FAM185A: variants seen among roughly 807,000 people sequenced by gnomAD.
FAM185A encodes protein FAM185A.
A neutral mutation model predicts 45.7 loss-of-function variants in FAM185A; 21 were observed. That is an observed-to-expected ratio of 0.46 (90% CI 0.33 to 0.66). The LOEUF (loss-of-function observed/expected upper bound fraction) is 0.66, where lower values mean the gene tolerates loss of function less well. Among genes scored for constraint, FAM185A ranks in the 30% least tolerant of loss-of-function variants. The pLI, the probability that FAM185A is intolerant of heterozygous loss-of-function variation, is 0.03. For missense variants in FAM185A, 305 were observed against 485.4 expected (o/e 0.63, Z 3.49); for synonymous variants, 117 against 194.0 (o/e 0.60, Z 3.30).
intron 6 of FAM185A, among the ~76,000 whole-genome samples, chr7:102,782,007 T>C (rs1252364319): frequency 2.6e-5 from 4 of 152,262 alleles, no homozygotes; most frequent in African/African-American, 9.6e-5. Flanking sequence ...ATGTGACGAA[T>C]GCACAAGCCT....
chr7:102,759,861 G>C (rs1794002930), intron 3 of FAM185A, among the ~76,000 whole-genome samples: 1 of 152,062 alleles, frequency 6.6e-6, no homozygotes, highest in South Asian at 2.1e-4. Context: ...TAAAGGTAAA[G>C]GAATCACAGG....
At chr7:102,847,263 T>C in the FAM185A span, among the ~76,000 whole-genome samples, 4 of 151,844 alleles carry the variant, frequency 2.6e-5, no homozygotes, top group Non-Finnish European at 5.9e-5. Flanking sequence ...TGCTTCACAA[T>C]TGTAGTCACT....
chr7:102,820,274 G>T, the FAM185A span, among the ~76,000 whole-genome samples: 1 of 152,152 alleles, frequency 6.6e-6, no homozygotes, highest in South Asian at 2.1e-4. Context: ...TAAGCATTAG[G>T]GCCAAGTCTC....
chr7:102,809,595 GGGAGCCTGAGGCA>G (rs1240862176), downstream of FAM185A, among the ~76,000 whole-genome samples: 1 of 152,030 alleles, frequency 6.6e-6, no homozygotes, highest in East Asian at 1.9e-4. Context: ...CCAGCTATTT[GGGAGCCTGAGGCA>G]GGAGAATCGC....
the FAM185A span, among the ~76,000 whole-genome samples, chr7:102,842,603 C>T: frequency 9.9e-3 from 1,502 of 152,328 alleles, 8 homozygotes; most frequent in Non-Finnish European, 0.014. Flanking sequence ...TAATCCAGTT[C>T]TTGCTGTTAG....
At chr7:102,840,494 A>T in the FAM185A span, among the ~76,000 whole-genome samples, 1 of 152,198 alleles carries the variant, frequency 6.6e-6, no homozygotes. Context: ...GAAAGAGTTG[A>T]TGGGTGTCTA....
intron 2 of FAM185A, chr7:102,755,975 TTAAAA>T (rs1793699427): frequency 2.2e-6 from 1 of 455,304 alleles, no homozygotes; most frequent in African/African-American, 2.0e-5. Flanking sequence ...ATAAAAATAA[TTAAAA>T]TAATTAAAAA....
Position 102,787,412 on chromosome 7 carries a change from G to A in FAM185A, c.1009G>A (p.Glu337Lys). 3.9e-6 allele frequency: 6 copies of A among 1,536,846 alleles called. No individual in the cohort carries two copies. The highest frequency in any genetic ancestry group is 5.3e-6 in the Non-Finnish European group (6 of 1,136,224). The change falls in exon 7 of 8, where the codon GAA becomes AAA. Residue 337 changes from glutamate (E) to lysine (K), a missense_variant. By Grantham distance (56) the Glu-to-Lys change is moderately conservative. Coordinates refer to ENST00000413034, the MANE Select transcript of FAM185A (RefSeq NM_001145268.2). ...LSGKEVDVNS[E>K]VHVQEMAEVR... ...AGGGAAAGAGGTTGATGTGAACTCA[G>A]AAGTCCATGTTCAGGAAATGGCTGA...
downstream of FAM185A, chr7:102,813,470 G>T (rs1797581525): frequency 6.2e-7 from 1 of 1,614,084 alleles, no homozygotes; most frequent in Admixed American, 1.7e-5. Flanking sequence ...AACCAACGTG[G>T]AGGGTCATTA....
At chr7:102,820,091 A>G in the FAM185A span, among the ~76,000 whole-genome samples, 1 of 152,196 alleles carries the variant, frequency 6.6e-6, no homozygotes, top group African/African-American at 2.4e-5. Flanking sequence ...GGACTCTCCA[A>G]GCCACTCTAC....
chr7:102,811,303 G>C (rs1414137851), downstream of FAM185A, among the ~76,000 whole-genome samples: 1 of 152,070 alleles, frequency 6.6e-6, no homozygotes, highest in Non-Finnish European at 1.5e-5. Flanking sequence ...TTACTCTCTT[G>C]GACACAGACC....
chr7:102,835,997 A>G, the FAM185A span, among the ~76,000 whole-genome samples: 1 of 152,318 alleles, frequency 6.6e-6, no homozygotes, highest in South Asian at 2.1e-4. Context: ...TAAAGCAAGA[A>G]AGAATATTTA....
chr7:102,841,705 A>C, the FAM185A span, among the ~76,000 whole-genome samples: 1 of 152,154 alleles, frequency 6.6e-6, no homozygotes, highest in East Asian at 1.9e-4. Context: ...AATACTGTTT[A>C]TTTCTTTTGC....
At chr7:102,795,934 T>G (rs998149214) in intron 7 of FAM185A, among the ~76,000 whole-genome samples, 12 of 152,260 alleles carry the variant, frequency 7.9e-5, no homozygotes, top group Admixed American at 7.9e-4. Context: ...TTCACAATGT[T>G]GTAACCCACC....
At chr7:102,799,520 CAG>C (rs1424563275) in intron 7 of FAM185A, among the ~76,000 whole-genome samples, 5 of 152,206 alleles carry the variant, frequency 3.3e-5, no homozygotes, top group African/African-American at 4.8e-5. Flanking sequence ...ACTATTATAA[CAG>C]AGGGAAAAAC....
At chr7:102,780,425 C>A (rs1374490086) in intron 6 of FAM185A, among the ~76,000 whole-genome samples, 21 of 152,136 alleles carry the variant, frequency 1.4e-4, no homozygotes, top group Non-Finnish European at 7.3e-5. Flanking sequence ...GAATTACAGC[C>A]AGGTTGTATG....
intron 4 of FAM185A, among the ~76,000 whole-genome samples, chr7:102,770,668 C>A (rs1794694904): frequency 6.6e-6 from 1 of 152,112 alleles, no homozygotes; most frequent in African/African-American, 2.4e-5. Flanking sequence ...CATCTCACAC[C>A]AGTCAGAATG....
intron 7 of FAM185A, among the ~76,000 whole-genome samples, chr7:102,793,616 G>A (rs982393564): frequency 6.6e-6 from 1 of 151,958 alleles, no homozygotes; most frequent in Non-Finnish European, 1.5e-5. Context: ...CAAAAAAGAA[G>A]ATCAGGTTTT....
the FAM185A span, among the ~76,000 whole-genome samples, chr7:102,820,729 C>A: frequency 6.6e-6 from 1 of 152,164 alleles, no homozygotes; most frequent in South Asian, 2.1e-4. Context: ...AAAGAAGGAG[C>A]CCTAGCTCAT....
Sources: gnomAD v4.1 joint callset for allele counts (sites outside exome capture counted in the v4.1 genomes callset) on GRCh38, gnomAD v4.1.1 for gene constraint, MANE v1.5 for transcripts, NCBI Gene and HGNC (gene_info 2026-07-23, HGNC 2026-07-21) for gene names.